ZBTB20: variants seen among roughly 807,000 people sequenced by gnomAD.
The protein encoded by ZBTB20 is zinc finger and BTB domain-containing protein 20.
In ZBTB20, 9 loss-of-function variants were observed where a neutral mutation model predicts 56.9. That is an observed-to-expected ratio of 0.16 (90% CI 0.10 to 0.28). The LOEUF is 0.28. ZBTB20 is among the 10% of genes least tolerant of loss of function. ZBTB20 has a pLI of 1.00. For missense variants in ZBTB20, 655 were observed against 1,003.0 expected (o/e 0.65, Z 4.69); for synonymous variants, 417 against 420.7 (o/e 0.99, Z 0.11).
At chr3:114,596,445 A>G (rs1347892895) in intron 6 of ZBTB20, among the ~76,000 whole-genome samples, 1 of 152,176 alleles carries the variant, frequency 6.6e-6, no homozygotes, top group Non-Finnish European at 1.5e-5. Flanking sequence ...GCAAACAGAA[A>G]GGTGTAGAAG....
intron 6 of ZBTB20, among the ~76,000 whole-genome samples, chr3:114,642,974 G>A (rs2059635892): frequency 6.6e-6 from 1 of 151,926 alleles, no homozygotes; most frequent in Non-Finnish European, 1.5e-5. Context: ...ATATCAAAAA[G>A]GTTGCAAAAT....
intron 5 of ZBTB20, among the ~76,000 whole-genome samples, chr3:114,739,216 C>T (rs1449633908): frequency 6.6e-6 from 1 of 152,174 alleles, no homozygotes; most frequent in Non-Finnish European, 1.5e-5. Context: ...GGATATGGCC[C>T]TAGAATCTGA....
chr3:114,968,622 A>G (rs1195337592), intron 3 of ZBTB20, among the ~76,000 whole-genome samples: 4 of 152,204 alleles, frequency 2.6e-5, no homozygotes, highest in Non-Finnish European at 4.4e-5. Flanking sequence ...ATATACACCC[A>G]ATGAGAAAAA....
At chr3:114,561,145 CT>C (rs1247051589) in intron 6 of ZBTB20, among the ~76,000 whole-genome samples, 3 of 152,160 alleles carry the variant, frequency 2.0e-5, no homozygotes, top group Non-Finnish European at 2.9e-5. Context: ...TCAGGCTTCA[CT>C]TCTAATTCTA....
chr3:114,572,153 G>A (rs1199430879), intron 6 of ZBTB20, among the ~76,000 whole-genome samples: 1 of 152,162 alleles, frequency 6.6e-6, no homozygotes, highest in South Asian at 2.1e-4. Flanking sequence ...TGTTCTGGGT[G>A]CCACAATAAT....
chr3:115,023,798 C>A (rs2080303627), intron 2 of ZBTB20, among the ~76,000 whole-genome samples: 1 of 150,816 alleles, frequency 6.6e-6, no homozygotes, highest in African/African-American at 2.4e-5. Context: ...AAAAATGATG[C>A]TAAAATAAAG....
At chr3:114,975,597 AT>A (rs1347249808) in intron 2 of ZBTB20, among the ~76,000 whole-genome samples, 3 of 152,176 alleles carry the variant, frequency 2.0e-5, no homozygotes, top group Non-Finnish European at 2.9e-5. Flanking sequence ...CTCCTGTTAT[AT>A]TTGGGGTGCA....
At chr3:114,755,999 A>T (rs1430189006) in intron 5 of ZBTB20, among the ~76,000 whole-genome samples, 1 of 152,020 alleles carries the variant, frequency 6.6e-6, no homozygotes, top group African/African-American at 2.4e-5. Context: ...TTTTATGCTG[A>T]CCTCACTTCT....
intron 7 of ZBTB20, among the ~76,000 whole-genome samples, chr3:114,451,455 C>A (rs746407134): frequency 6.6e-6 from 1 of 151,990 alleles, no homozygotes; most frequent in African/African-American, 2.4e-5. Flanking sequence ...ATGGACCCCC[C>A]AAAAAGCCTA....
At chr3:114,872,929 G>A (rs1423136637) in intron 4 of ZBTB20, among the ~76,000 whole-genome samples, 1 of 152,038 alleles carries the variant, frequency 6.6e-6, no homozygotes, top group African/African-American at 2.4e-5. Context: ...CTGCTCATAT[G>A]GTAATAATGG....
At chr3:114,725,570 C>A (rs183563603) in intron 5 of ZBTB20, among the ~76,000 whole-genome samples, 1 of 152,178 alleles carries the variant, frequency 6.6e-6, no homozygotes, top group Non-Finnish European at 1.5e-5. Context: ...TTGATTACTT[C>A]GCTAAAATGA....
chr3:114,888,104 A>G (rs1023270348), intron 4 of ZBTB20, among the ~76,000 whole-genome samples: 8 of 151,956 alleles, frequency 5.3e-5, no homozygotes, highest in East Asian at 1.9e-4. Flanking sequence ...TAAAAAAAAA[A>G]AAAGAAAGAA....
At chr3:114,970,792 G>A (rs2077845210) in intron 3 of ZBTB20, among the ~76,000 whole-genome samples, 2 of 152,200 alleles carry the variant, frequency 1.3e-5, no homozygotes, top group African/African-American at 4.8e-5. Flanking sequence ...GAGGCGGGCA[G>A]ATCACGAGGT....
intron 1 of ZBTB20, among the ~76,000 whole-genome samples, chr3:115,071,722 C>G (rs2082414306): frequency 6.6e-6 from 1 of 152,116 alleles, no homozygotes; most frequent in Non-Finnish European, 1.5e-5. Flanking sequence ...GGAAAGTGAT[C>G]TAACACAGCA....
At chr3:114,449,651 C>A (rs532727459) in intron 7 of ZBTB20, among the ~76,000 whole-genome samples, 4 of 148,096 alleles carry the variant, frequency 2.7e-5, no homozygotes, top group Non-Finnish European at 5.9e-5. Context: ...GGAGAACCTG[C>A]TTCTTTGTCA....
At chr3:115,051,503 T>C (rs1209809012) in intron 2 of ZBTB20, among the ~76,000 whole-genome samples, 2 of 152,168 alleles carry the variant, frequency 1.3e-5, no homozygotes, top group African/African-American at 4.8e-5. Context: ...CTTTTTTAAA[T>C]GAATACATAG....
At chr3:115,011,313 T>C (rs2079698033) in intron 2 of ZBTB20, among the ~76,000 whole-genome samples, 1 of 151,786 alleles carries the variant, frequency 6.6e-6, no homozygotes, top group African/African-American at 2.4e-5. Context: ...GGTTATAGAA[T>C]GCCAAGCAGA....
chr3:114,614,474 G>C (rs781546235), intron 6 of ZBTB20, among the ~76,000 whole-genome samples: 1 of 152,066 alleles, frequency 6.6e-6, no homozygotes, highest in African/African-American at 2.4e-5. Flanking sequence ...TTTCCTCAAC[G>C]GGGTGACATA....
At chr3:115,086,435 C>T (rs1220501020) in intron 1 of ZBTB20, among the ~76,000 whole-genome samples, 3 of 151,706 alleles carry the variant, frequency 2.0e-5, no homozygotes, top group Non-Finnish European at 4.4e-5. Context: ...TATGTTCCAC[C>T]TCCAACAAAG....
Sources: allele counts gnomAD v4.1 joint callset (sites outside exome capture counted in the v4.1 genomes callset), GRCh38; gene constraint gnomAD v4.1.1; transcripts MANE v1.5; gene names NCBI Gene and HGNC (gene_info 2026-07-23, HGNC 2026-07-21).